The following TNFRSF11A variants were observed in gnomAD, a reference collection of about 807,000 sequenced individuals.
TNFRSF11A encodes tumor necrosis factor receptor superfamily member 11A.
TNFRSF11A carries 32 observed loss-of-function variants against 55.7 expected under a neutral mutation model. The observed-to-expected ratio is 0.57, with a 90% CI of 0.43 to 0.77. The LOEUF is 0.77. TNFRSF11A is among the 30% of genes least tolerant of loss of function. TNFRSF11A has a pLI of 0.00. For missense variants in TNFRSF11A, 753 were observed against 809.8 expected, an observed-to-expected ratio of 0.93 and a Z score of 0.85; for synonymous variants, 311 against 331.0, an observed-to-expected ratio of 0.94 and a Z score of 0.65.
At chr18:62,338,438 G>C (rs1224227722) in intron 1 of TNFRSF11A, among the ~76,000 whole-genome samples, 2 of 152,186 alleles carry the variant, frequency 1.3e-5, no homozygotes, top group Admixed American at 1.3e-4. Flanking sequence ...GTGGATGAAT[G>C]GATAAACAAG....
Position 62,383,509 on chromosome 18 carries a change from A to T in TNFRSF11A, c.1568-1242A>T, listed in dbSNP as rs1911441301. Reference sequence around the variant, plus strand: ...GGGTGAATCGTGAGGAGCCATTTTGACATTCCTGGCCCCTGATCAAATGGA... The same window carrying T: ...GGGTGAATCGTGAGGAGCCATTTTGTCATTCCTGGCCCCTGATCAAATGGA... On this transcript the variant is annotated intron_variant, in intron 9 of 9. Transcript: ENST00000586569. The surrounding 1 kb of genome is among the most constrained non-coding windows in gnomAD (Gnocchi z 4.2). Among the ~76,000 whole-genome samples the T allele has an allele frequency of 6.6e-6, 1 of 152,120 alleles. No homozygotes were observed. Among genetic ancestry groups the T allele is most frequent in the Admixed American group, 6.5e-5 (1 of 15,272 alleles).
rs1436292917 is a variant in TNFRSF11A, at chr18:62,325,745, A to G, written c.75+318A>G. On this transcript the variant is annotated intron_variant, in intron 1 of 9. Transcript: ENST00000586569. The surrounding 1 kb of genome is among the most constrained non-coding windows in gnomAD (Gnocchi z 4.7). ...TTCTCCAAATGCTTCTTGAGCACCT[A>G]CTAAGCGCTTGCGCCGGGCGGTGCC... Among the ~76,000 whole-genome samples, 1 of 152,204 alleles carries G rather than the reference A, an allele frequency of 6.6e-6. No individual in the cohort carries two copies.
chr18:62,352,245 T>A (rs1200541386), intron 3 of TNFRSF11A, among the ~76,000 whole-genome samples: 1 of 152,266 alleles, frequency 6.6e-6, no homozygotes, highest in African/African-American at 2.4e-5. Context: ...TAAGGTTTCA[T>A]GATTGTTTTT....
intron 1 of TNFRSF11A, among the ~76,000 whole-genome samples, chr18:62,333,702 A>G (rs12962954): frequency 6.6e-6 from 1 of 152,152 alleles, no homozygotes; most frequent in Non-Finnish European, 1.5e-5. Flanking sequence ...AACTGCTTGT[A>G]TAGTCAACTC....
chr18:62,371,146 T>C lies in TNFRSF11A; in HGVS notation c.1567+1662T>C, dbSNP rs118162164. 1.0e-3 allele frequency among the ~76,000 whole-genome samples: 159 copies of C among 152,298 alleles called. 5 individuals carry two copies. The East Asian group carries it at 0.028, about 27-fold the overall frequency. On this transcript the variant is annotated intron_variant, in intron 9 of 9. Transcript: ENST00000586569. ...CACCTGGCCTGTTCTATTTCTTTTC[T>C]CTCAGTTTATTGTCTTCCCCTTGGT...
At chr18:62,333,216 T>C (rs2046181108) in intron 1 of TNFRSF11A, among the ~76,000 whole-genome samples, 1 of 152,170 alleles carries the variant, frequency 6.6e-6, no homozygotes, top group Non-Finnish European at 1.5e-5. Context: ...GAACTGGGAC[T>C]CTGCCCTGAA....
intron 1 of TNFRSF11A, among the ~76,000 whole-genome samples, chr18:62,333,419 C>G (rs1261160903): frequency 6.6e-6 from 1 of 152,174 alleles, no homozygotes; most frequent in Non-Finnish European, 1.5e-5. Context: ...GCTAGAGACC[C>G]CGGGATTCCA....
chr18:62,330,642 G>T (rs1183638655), intron 1 of TNFRSF11A, among the ~76,000 whole-genome samples: 1 of 152,164 alleles, frequency 6.6e-6, no homozygotes, highest in Admixed American at 6.5e-5. Context: ...GGCCAGTAAG[G>T]AGCCTACTGC....
intron 1 of TNFRSF11A, among the ~76,000 whole-genome samples, chr18:62,342,113 T>C (rs1221284257): frequency 6.6e-6 from 1 of 150,966 alleles, no homozygotes; most frequent in Admixed American, 6.7e-5. Flanking sequence ...AAAATTCCCA[T>C]GTGCAGACTG....
chr18:62,325,444 C>T lies in TNFRSF11A; in HGVS notation c.75+17C>T, dbSNP rs1412778165. The T allele has an allele frequency of 1.0e-5, 13 of 1,253,040 alleles. No homozygotes were observed. Among genetic ancestry groups the T allele is most frequent in the Non-Finnish European group, 1.0e-5 (10 of 986,496 alleles). 77.6% of individuals were successfully genotyped at this position (1,253,040 alleles called of 1,614,324 possible). ...CGGCTGCAGGTAAGGAGCGCCCGCG[C>T]CTGCCGGGCCGCGCGGCCCGACGCC... is the stretch of plus-strand genomic sequence containing the variant. On this transcript the variant is annotated intron_variant, in intron 1 of 9. Coordinates refer to ENST00000586569, the MANE Select transcript of TNFRSF11A (RefSeq NM_003839.4). This position sits in a 1 kb window ranked among gnomAD's most constrained non-coding sequence, Gnocchi z 4.7.
intron 1 of TNFRSF11A, among the ~76,000 whole-genome samples, chr18:62,327,547 A>C (rs989187404): frequency 6.6e-6 from 1 of 152,190 alleles, no homozygotes; most frequent in Non-Finnish European, 1.5e-5. Context: ...ATCTAGGAAA[A>C]AGCTCTCTCT....
At chr18:62,329,635 A>G (rs757322473) in intron 1 of TNFRSF11A, among the ~76,000 whole-genome samples, 3 of 152,226 alleles carry the variant, frequency 2.0e-5, no homozygotes, top group Non-Finnish European at 4.4e-5. Flanking sequence ...TCAGCAAAAT[A>G]GCCTTGATCC....
chr18:62,343,304 G>C (rs2046339234), intron 1 of TNFRSF11A, among the ~76,000 whole-genome samples: 3 of 152,204 alleles, frequency 2.0e-5, no homozygotes, highest in Admixed American at 6.5e-5. Context: ...GACAAGAGGG[G>C]CCAAGCCTCT....
intron 9 of TNFRSF11A, among the ~76,000 whole-genome samples, chr18:62,376,559 T>G (rs1292169604): frequency 6.6e-6 from 1 of 152,092 alleles, no homozygotes; most frequent in Non-Finnish European, 1.5e-5. Flanking sequence ...ATGCACAGCC[T>G]CCCCCACTAG....
intron 1 of TNFRSF11A, among the ~76,000 whole-genome samples, chr18:62,344,006 A>T (rs2046348795): frequency 6.6e-6 from 1 of 152,208 alleles, no homozygotes; most frequent in Non-Finnish European, 1.5e-5. Context: ...GTCAAATTAT[A>T]TTCCCCAAAA....
chr18:62,384,994 C>A lies in TNFRSF11A; in HGVS notation c.1811C>A (p.Ala604Asp). The change falls in exon 10 of 10, where the codon GCC (alanine) becomes GAC (aspartate). Residue 604 changes from alanine (A) to aspartate (D), a missense_variant. Ala to Asp is a moderately radical substitution (Grantham distance 126). Around this residue, in one of 3 missense-constraint regions of TNFRSF11A, gnomAD observed 567 missense variants for 596.7 expected, o/e 0.95. Coordinates refer to ENST00000586569, the MANE Select transcript of TNFRSF11A (RefSeq NM_003839.4). The part of the protein sequence containing the change: ...GPEGLREPEK[A>D]SRPVQEQGGA... ...GAGGGGCTGCGGGAGCCGGAGAAGG[C>A]CTCGAGGCCGGTGCAGGAGCAAGGC... 1 of 1,474,588 alleles carries A rather than the reference C, an allele frequency of 6.8e-7. No homozygotes were observed. The allele number at this position is 1,474,588 out of a possible 1,614,324, so 91.3% of individuals were successfully genotyped here. A position where few individuals can be genotyped will look rare whatever the true frequency, so the allele number is the denominator to read the frequency against.
chr18:62,335,585 T>C (rs2046220299), intron 1 of TNFRSF11A, among the ~76,000 whole-genome samples: 1 of 152,232 alleles, frequency 6.6e-6, no homozygotes, highest in African/African-American at 2.4e-5. Flanking sequence ...CTCCATTTCC[T>C]GGCATGAGTG....
chr18:62,377,058 C>T (rs778532804), intron 9 of TNFRSF11A, among the ~76,000 whole-genome samples: 9 of 152,138 alleles, frequency 5.9e-5, no homozygotes, highest in Non-Finnish European at 8.8e-5. Flanking sequence ...GGACTACAGG[C>T]GCCTGCCACC....
chr18:62,380,573 A>T (rs190459335), intron 9 of TNFRSF11A, among the ~76,000 whole-genome samples: 2,307 of 150,576 alleles, frequency 0.015, 57 homozygotes, highest in African/African-American at 0.052. Flanking sequence ...AGTAGCTGGG[A>T]CTACAGGCGC....
Sources: gnomAD v4.1 joint callset for allele counts (sites outside exome capture counted in the v4.1 genomes callset) on GRCh38, gnomAD v4.1.1 for gene constraint, gnomAD v4.1.1 regional missense constraint, Gnocchi (gnomAD v3.1) non-coding constraint, MANE v1.5 for transcripts, NCBI Gene and HGNC (gene_info 2026-07-23, HGNC 2026-07-21) for gene names.